The following CLYBL variants were observed in gnomAD, a reference collection of about 807,000 sequenced individuals.
CLYBL encodes the protein citramalyl-CoA lyase, mitochondrial.
In CLYBL, 31 loss-of-function variants were observed where a neutral mutation model predicts 38.9. That is an observed-to-expected ratio of 0.80 (90% CI 0.60 to 1.08). The LOEUF is 1.08. Among genes scored for constraint, CLYBL ranks in the 50% least tolerant of loss-of-function variants. The probability of loss-of-function intolerance (pLI) is 0.00; values close to 1 mark genes in which losing one functional copy is unlikely to be tolerated. For synonymous variants in CLYBL, 171 were observed against 158.6 expected (o/e 1.08, Z -0.59); for missense variants, 434 against 411.6 (o/e 1.05, Z -0.47).
At chr13:99,755,941 A>T (rs931107087) in intron 1 of CLYBL, among the ~76,000 whole-genome samples, 3 of 152,056 alleles carry the variant, frequency 2.0e-5, no homozygotes, top group African/African-American at 7.2e-5. Flanking sequence ...CAAATCCCCC[A>T]TTCCTTTCTC....
At chr13:99,648,839 ATGT>A (rs1343268513) in intron 1 of CLYBL, among the ~76,000 whole-genome samples, 2 of 152,058 alleles carry the variant, frequency 1.3e-5, no homozygotes, top group Non-Finnish European at 2.9e-5. Context: ...GCTCAGTCTT[ATGT>A]TTTACATGGC....
At chr13:99,861,029 C>T (rs960981318) in intron 3 of CLYBL, among the ~76,000 whole-genome samples, 1 of 152,116 alleles carries the variant, frequency 6.6e-6, no homozygotes, top group Non-Finnish European at 1.5e-5. Context: ...ATCGCTGAGC[C>T]CTGCTACTTC....
intron 1 of CLYBL, among the ~76,000 whole-genome samples, chr13:99,715,020 A>T (rs1385044026): frequency 6.6e-6 from 1 of 152,180 alleles, no homozygotes; most frequent in Non-Finnish European, 1.5e-5. Flanking sequence ...TATGGAACTG[A>T]TGGGCCTCAC....
intron 2 of CLYBL, among the ~76,000 whole-genome samples, chr13:99,813,631 G>T (rs912308493): frequency 6.6e-6 from 1 of 152,196 alleles, no homozygotes; most frequent in Non-Finnish European, 1.5e-5. Flanking sequence ...ACTGACTTCA[G>T]CAAGCTTCGG....
At position 99,654,058 on chromosome 13, in the gene CLYBL, A is replaced by G. The variant is rs1426952448; in HGVS notation, c.62+47301A>G. On this transcript the variant is annotated intron_variant, in intron 1 of 8. Coordinates refer to ENST00000339105, the MANE Select transcript of CLYBL (RefSeq NM_206808.5). ...CTGCCAACCTCAGCACATGGCACAC[A>G]TCTTCCCCAAGGCGGCTGCTTGGTT... Among the ~76,000 whole-genome samples the G allele has an allele frequency of 2.6e-5, 4 of 152,134 alleles. No individual in the cohort carries two copies. The East Asian group carries it at 5.8e-4, about 22-fold the overall frequency.
chr13:99,629,779 G>C (rs567028406), intron 1 of CLYBL, among the ~76,000 whole-genome samples: 1 of 152,174 alleles, frequency 6.6e-6, no homozygotes, highest in Non-Finnish European at 1.5e-5. Context: ...ACCACTGCAC[G>C]CTCTGGTCCC....
At chr13:99,751,239 T>A (rs1466557120) in intron 1 of CLYBL, among the ~76,000 whole-genome samples, 3 of 151,640 alleles carry the variant, frequency 2.0e-5, no homozygotes, top group African/African-American at 7.3e-5. Context: ...TTTTTTTTTT[T>A]AGATGGAGTC....
intron 1 of CLYBL, among the ~76,000 whole-genome samples, chr13:99,770,999 C>G (rs1048064944): frequency 7.0e-6 from 1 of 143,354 alleles, no homozygotes; most frequent in African/African-American, 2.6e-5. Context: ...GGATTACAGG[C>G]GTAAGCCACC....
intron 1 of CLYBL, among the ~76,000 whole-genome samples, chr13:99,631,366 T>G (rs35421489): frequency 0.17 from 26,451 of 151,292 alleles, 2,943 homozygotes; most frequent in Middle Eastern, 0.26. Flanking sequence ...TGTGTGTGTA[T>G]GTATACACAT....
At chr13:99,756,534 G>A (rs1226501414) in intron 1 of CLYBL, among the ~76,000 whole-genome samples, 1 of 152,184 alleles carries the variant, frequency 6.6e-6, no homozygotes, top group Non-Finnish European at 1.5e-5. Context: ...GCTACATGTG[G>A]CCCAGGACAG....
At chr13:99,789,149 CT>C (rs1355912398) in intron 2 of CLYBL, among the ~76,000 whole-genome samples, 1 of 152,186 alleles carries the variant, frequency 6.6e-6, no homozygotes, top group African/African-American at 2.4e-5. Flanking sequence ...AAAAAACCAG[CT>C]CGTGGATTCA....
intron 2 of CLYBL, among the ~76,000 whole-genome samples, chr13:99,827,977 G>T (rs2050728890): frequency 6.6e-6 from 1 of 152,180 alleles, no homozygotes; most frequent in Admixed American, 6.5e-5. Context: ...CCTTCCCTTT[G>T]ATTCAGAGAT....
intron 1 of CLYBL, among the ~76,000 whole-genome samples, chr13:99,672,952 G>T (rs1166994498): frequency 6.6e-6 from 1 of 152,096 alleles, no homozygotes; most frequent in East Asian, 1.9e-4. Context: ...CGCCCAATGG[G>T]TATTGAGGAG....
chr13:99,864,656 T>C (rs901652971), intron 4 of CLYBL, among the ~76,000 whole-genome samples, 162 bp from the exon 5 acceptor site: 3 of 152,244 alleles, frequency 2.0e-5, no homozygotes, highest in African/African-American at 7.2e-5. Context: ...TTGGATGATA[T>C]TAAATACCTT....
At chr13:99,720,883 A>G (rs767792970) in intron 1 of CLYBL, among the ~76,000 whole-genome samples, 2 of 152,118 alleles carry the variant, frequency 1.3e-5, no homozygotes, top group Admixed American at 6.6e-5. Flanking sequence ...TTCCATTCTG[A>G]AAACATCTCA....
intron 7 of CLYBL, among the ~76,000 whole-genome samples, chr13:99,887,831 T>C (rs1216276669): frequency 1.3e-5 from 2 of 150,046 alleles, no homozygotes; most frequent in African/African-American, 2.5e-5. Flanking sequence ...AATTGTCTTA[T>C]AGATACAGAG....
At chr13:99,798,414 T>C (rs1436818188) in intron 2 of CLYBL, among the ~76,000 whole-genome samples, 2 of 152,174 alleles carry the variant, frequency 1.3e-5, no homozygotes, top group Non-Finnish European at 2.9e-5. Flanking sequence ...TGAAATGTGG[T>C]ATTAGTCACC....
intron 1 of CLYBL, among the ~76,000 whole-genome samples, chr13:99,711,446 G>A (rs1254754936): frequency 8.0e-6 from 1 of 125,224 alleles, no homozygotes. Flanking sequence ...TTTCGCTCTC[G>A]TTGCCCAGGC....
In CLYBL at chr13:99,891,394, C is replaced by A. The variant is rs34411915; in HGVS notation, c.1004C>A (p.Thr335Asn). The A allele has an allele frequency of 9.9e-6, 16 of 1,613,074 alleles. No homozygotes were observed. Among genetic ancestry groups the A allele is most frequent in the Non-Finnish European group, 1.4e-5 (16 of 1,179,190 alleles). The change falls in exon 8 of 9, where the codon ACC becomes AAC. Residue 335 changes from threonine to asparagine, a missense_variant. Transcript: ENST00000339105. ...KQAQNTVTLA[T>N]SIKEK ...GCCCAGAACACTGTTACGCTTGCCA[C>A]CTCCATCAAGGAAAAATGATCTGTT...
Sources: allele counts gnomAD v4.1 joint callset (sites outside exome capture counted in the v4.1 genomes callset), GRCh38; gene constraint gnomAD v4.1.1; transcripts MANE v1.5; gene names NCBI Gene and HGNC (gene_info 2026-07-23, HGNC 2026-07-21).